The following ZNF292 variants were observed in gnomAD, a reference collection of about 807,000 sequenced individuals.
The protein encoded by ZNF292 is zinc finger protein 292, also known as 16 zinc-finger domain protein.
Under a neutral mutation model 217.9 loss-of-function variants are expected in ZNF292, and 26 were observed. That is an observed-to-expected ratio of 0.12 (90% confidence interval 0.09 to 0.17). The LOEUF (loss-of-function observed/expected upper bound fraction) is 0.17, where lower values mean the gene tolerates loss of function less well. Among genes scored for constraint, ZNF292 ranks in the 10% least tolerant of loss-of-function variants. The pLI is 1.00. For synonymous variants in ZNF292, 1,257 were observed against 1,124.1 expected (o/e 1.12, Z -2.37); for missense variants, 2,904 against 3,175.2 (o/e 0.91, Z 2.05).
intron 1 of ZNF292, among the ~76,000 whole-genome samples, chr6:87,172,620 A>G (rs951327669): frequency 2.0e-5 from 3 of 152,202 alleles, no homozygotes; most frequent in African/African-American, 7.2e-5. Flanking sequence ...GCAGAATAAC[A>G]TAGGACCAGG....
chr6:87,184,734 G>A (rs921623202), intron 1 of ZNF292, among the ~76,000 whole-genome samples: 1 of 152,160 alleles, frequency 6.6e-6, no homozygotes, highest in South Asian at 2.1e-4. Flanking sequence ...GCAAAGCTCA[G>A]TCCAGTTCCT....
At chr6:87,179,158 C>CTT (rs10670719) in intron 1 of ZNF292, among the ~76,000 whole-genome samples, 2,090 of 116,272 alleles carry the variant, frequency 0.018, 171 homozygotes, top group African/African-American at 0.063. Context: ...ATATATGTGG[C>CTT]TTTTTTTTTT....
At chr6:87,187,048 ATAT>A (rs1402063523) in intron 1 of ZNF292, among the ~76,000 whole-genome samples, 5 of 152,144 alleles carry the variant, frequency 3.3e-5, no homozygotes, top group African/African-American at 1.2e-4. Context: ...TTAGTTATTA[ATAT>A]TATATGAGCT....
Position 87,259,170 on chromosome 6 carries a change from A to G in ZNF292, c.5541A>G (p.Leu1847=), listed in dbSNP as rs376868945. ...AAATTTTAGAAGGCTTACAGAAATT[A>G]AAATTAGAAAATGACCTATCCACTC... is the stretch of plus-strand genomic sequence containing the variant. ...IQEILEGLQK[L]KLENDLSTPA... The change falls in exon 8 of 8, where the codon TTA becomes TTG. Residue 1847 remains leucine, a synonymous_variant. Transcript: ENST00000369577. 53 of 1,613,402 alleles carry G rather than the reference A, an allele frequency of 3.3e-5. No homozygotes were observed. In the African/African-American group the frequency reaches 6.1e-4, roughly 19 times the overall value.
intron 7 of ZNF292, among the ~76,000 whole-genome samples, chr6:87,248,021 C>G (rs1774693651): frequency 1.3e-5 from 2 of 152,046 alleles, no homozygotes. Context: ...ATTAATAAAT[C>G]AGAACTCAAG....
At chr6:87,253,072 A>T (rs12193314) in intron 7 of ZNF292, among the ~76,000 whole-genome samples, 1 of 148,214 alleles carries the variant, frequency 6.7e-6, no homozygotes, top group Admixed American at 6.7e-5. Flanking sequence ...ATGCCCAGCT[A>T]ATTTTTTTTC....
rs1775761441 is a variant in ZNF292 at position 87,264,847 on chromosome 6, T to C, written c.*3046T>C. On this transcript the variant is annotated 3_prime_UTR_variant, in exon 8 of 8. Coordinates refer to ENST00000369577, the MANE Select transcript of ZNF292 (RefSeq NM_015021.3). ...ATCAGTTTTAGAAAGATAATTGTCA[T>C]GGTATAGTGGATAAATTGAGTAAGT... Among the ~76,000 whole-genome samples the C allele has an allele frequency of 6.6e-6, 1 of 152,180 alleles. No individual in the cohort carries two copies. Among genetic ancestry groups the C allele is most frequent in the South Asian group, 2.1e-4 (1 of 4,828 alleles).
chr6:87,197,553 G>A lies in ZNF292; in HGVS notation c.169-18350G>A, dbSNP rs545835975. Reference sequence around the variant, plus strand: ...AGTTCGAGACCAGTCTGGCCAACAGGGTGAAACTCCGTCTCTACTAAAAAT... The same window carrying A: ...AGTTCGAGACCAGTCTGGCCAACAGAGTGAAACTCCGTCTCTACTAAAAAT... On this transcript the variant is annotated intron_variant, in intron 1 of 7. Transcript: ENST00000369577. Among the ~76,000 whole-genome samples the A allele has an allele frequency of 2.0e-4, 30 of 151,020 alleles. No homozygotes were observed. The Middle Eastern group carries it at 0.017, about 86-fold the overall frequency.
chr6:87,221,152 T>G (rs1773066054), intron 4 of ZNF292, among the ~76,000 whole-genome samples: 1 of 152,176 alleles, frequency 6.6e-6, no homozygotes, highest in Non-Finnish European at 1.5e-5. Flanking sequence ...AAATACTCTT[T>G]GATTTGGGAG....
At chr6:87,244,521 G>A (rs924283707) in intron 6 of ZNF292, among the ~76,000 whole-genome samples, 1 of 152,202 alleles carries the variant, frequency 6.6e-6, no homozygotes, top group African/African-American at 2.4e-5. Flanking sequence ...ATAAGCTCTT[G>A]AAGGGCAACA....
chr6:87,203,280 T>C (rs553039970), intron 1 of ZNF292, among the ~76,000 whole-genome samples: 1 of 151,866 alleles, frequency 6.6e-6, no homozygotes, highest in Admixed American at 6.6e-5. Flanking sequence ...TAGCTGGGAC[T>C]ACAGGCACAT....
intron 1 of ZNF292, among the ~76,000 whole-genome samples, chr6:87,211,118 T>C (rs1357869542): frequency 1.3e-5 from 2 of 152,208 alleles, no homozygotes. Context: ...AATATATGAC[T>C]CCTTTCAGTA....
At chr6:87,165,613 A>G (rs780019609) in intron 1 of ZNF292, among the ~76,000 whole-genome samples, 3 of 152,162 alleles carry the variant, frequency 2.0e-5, no homozygotes, top group Non-Finnish European at 2.9e-5. Flanking sequence ...GAAAAATACT[A>G]TTTTAGAGGG....
chr6:87,195,339 G>A (rs1201305435), intron 1 of ZNF292, among the ~76,000 whole-genome samples: 1 of 152,174 alleles, frequency 6.6e-6, no homozygotes, highest in African/African-American at 2.4e-5. Context: ...GGTACAAATT[G>A]GGAAATTAGT....
intron 1 of ZNF292, among the ~76,000 whole-genome samples, chr6:87,194,750 C>T (rs1477446772): frequency 6.6e-6 from 1 of 151,980 alleles, no homozygotes; most frequent in East Asian, 1.9e-4. Flanking sequence ...AAAAAGAAAA[C>T]TGTAGGCCAA....
intron 1 of ZNF292, among the ~76,000 whole-genome samples, chr6:87,209,078 G>C (rs113196692): frequency 1.1e-3 from 155 of 144,384 alleles, no homozygotes; most frequent in Non-Finnish European, 1.6e-3. Context: ...TTTTCAACCA[G>C]TTATCTCATT....
chr6:87,186,112 G>A (rs1771644140), intron 1 of ZNF292, among the ~76,000 whole-genome samples: 1 of 152,194 alleles, frequency 6.6e-6, no homozygotes, highest in Non-Finnish European at 1.5e-5. Context: ...CAACCTTGTA[G>A]TCATGCTTTG....
intron 7 of ZNF292, among the ~76,000 whole-genome samples, chr6:87,249,650 C>T (rs1774799618): frequency 6.6e-6 from 1 of 152,092 alleles, no homozygotes; most frequent in Admixed American, 6.6e-5. Flanking sequence ...GGTGTAATAA[C>T]TCTCTTCATT....
At position 87,181,890 on chromosome 6, in the gene ZNF292, G is replaced by T. The variant is rs530397460; in HGVS notation, c.168+26131G>T. On this transcript the variant is annotated intron_variant, in intron 1 of 7. Coordinates refer to ENST00000369577, the MANE Select transcript of ZNF292 (RefSeq NM_015021.3). ...GTAGAGATGGGGTTTCGCCATGTTG[G>T]CCCGGCTGGTCTCAAACTCCTGACC... is the stretch of plus-strand genomic sequence containing the variant. 2.6e-5 allele frequency among the ~76,000 whole-genome samples: 4 copies of T among 152,028 alleles called. No homozygotes were observed. In the East Asian group the frequency reaches 7.7e-4, roughly 29 times the overall value.
Sources: allele counts gnomAD v4.1 joint callset (sites outside exome capture counted in the v4.1 genomes callset), GRCh38; gene constraint gnomAD v4.1.1; transcripts MANE v1.5; gene names NCBI Gene and HGNC (gene_info 2026-07-23, HGNC 2026-07-21).